PCDH7: variants seen among roughly 807,000 people sequenced by gnomAD.
The protein encoded by PCDH7 is protocadherin-7.
Under a neutral mutation model 58.9 loss-of-function variants are expected in PCDH7, and 17 were observed. That is an observed-to-expected ratio of 0.29 (90% CI 0.20 to 0.43). The LOEUF (loss-of-function observed/expected upper bound fraction) is 0.43. PCDH7 is among the 20% of genes least tolerant of loss of function. The probability of loss-of-function intolerance (pLI) is 1.00; values close to 1 mark genes in which losing one functional copy is unlikely to be tolerated. For synonymous variants in PCDH7, 664 were observed against 616.4 expected (o/e 1.08, Z -1.14); for missense variants, 1,274 against 1,441.0 (o/e 0.88, Z 1.88).
chr4:30,807,741 C>A (rs1726419518), intron 1 of PCDH7, among the ~76,000 whole-genome samples: 1 of 151,030 alleles, frequency 6.6e-6, no homozygotes, highest in African/African-American at 2.4e-5. Flanking sequence ...CTATCATAGT[C>A]AAATCTATTT....
rs1468488216 is a variant in PCDH7, at chr4:31,046,337, C to T, written c.*7+96122C>T. Among the ~76,000 whole-genome samples, 7 of 151,910 alleles carry T rather than the reference C, an allele frequency of 4.6e-5. No homozygotes were observed. The East Asian group carries it at 1.2e-3, about 25-fold the overall frequency. ...AGTCAGATTTCTTGGGCTTAAAATA[C>T]CAGCTCCATCAGTTAGACTATGTGA... On this transcript the variant is annotated intron_variant, in intron 3 of 3. Coordinates refer to the PCDH7 transcript ENST00000509759.
intron 3 of PCDH7, among the ~76,000 whole-genome samples, chr4:31,070,847 A>C (rs889110239): frequency 5.3e-5 from 8 of 152,128 alleles, no homozygotes; most frequent in African/African-American, 1.9e-4. Flanking sequence ...TTAGTATGTT[A>C]GATTCATGAA....
intron 1 of PCDH7, among the ~76,000 whole-genome samples, chr4:30,900,952 TAACTC>T (rs1740134961): frequency 6.6e-6 from 1 of 152,190 alleles, no homozygotes; most frequent in Admixed American, 6.5e-5. Flanking sequence ...AAGTGTTAGA[TAACTC>T]TATGAAGATG....
At chr4:31,060,986 T>G (rs1340824513) in intron 3 of PCDH7, among the ~76,000 whole-genome samples, 5 of 151,704 alleles carry the variant, frequency 3.3e-5, no homozygotes, top group African/African-American at 1.2e-4. Context: ...ATTTATGCCA[T>G]TTATAAGGAG....
At chr4:31,135,522 T>C (rs1363141543) in intron 3 of PCDH7, among the ~76,000 whole-genome samples, 1 of 152,116 alleles carries the variant, frequency 6.6e-6, no homozygotes, top group African/African-American at 2.4e-5. Context: ...CATAAATCCA[T>C]TAGCACTACT....
intron 2 of PCDH7, among the ~76,000 whole-genome samples, chr4:30,924,817 GA>G (rs35532582): frequency 1.6e-4 from 23 of 147,294 alleles, no homozygotes; most frequent in East Asian, 8.1e-4. Flanking sequence ...GAGTACAAAT[GA>G]AAAAAAAAAG....
intron 3 of PCDH7, among the ~76,000 whole-genome samples, chr4:31,077,190 C>T (rs61276976): frequency 0.039 from 5,899 of 152,070 alleles, 396 homozygotes; most frequent in East Asian, 0.33. Context: ...GCGAGCAGAT[C>T]ACCTGAGGTC....
At chr4:31,024,560 A>C in intron 3 of PCDH7, among the ~76,000 whole-genome samples, 1 of 152,314 alleles carries the variant, frequency 6.6e-6, no homozygotes, top group Non-Finnish European at 1.5e-5. Flanking sequence ...CTGTTTGTGT[A>C]TAATACTGAA....
intron 3 of PCDH7, among the ~76,000 whole-genome samples, chr4:31,114,771 A>C (rs568074071): frequency 6.6e-6 from 1 of 152,226 alleles, no homozygotes; most frequent in East Asian, 1.9e-4. Flanking sequence ...AGCTAATACA[A>C]CAAGCAAAAT....
intron 3 of PCDH7, among the ~76,000 whole-genome samples, chr4:31,122,156 T>G (rs1451111156): frequency 6.6e-6 from 1 of 152,154 alleles, no homozygotes; most frequent in Non-Finnish European, 1.5e-5. Context: ...CAGATACTTC[T>G]TAGATCATCT....
At chr4:31,003,832 C>G (rs577943691) in intron 3 of PCDH7, among the ~76,000 whole-genome samples, 35 of 150,656 alleles carry the variant, frequency 2.3e-4, no homozygotes, top group African/African-American at 8.5e-4. Context: ...GGCATGAACC[C>G]GAAAAAAAAA....
At chr4:30,956,282 A>G (rs2109453752) in intron 3 of PCDH7, among the ~76,000 whole-genome samples, 1 of 152,222 alleles carries the variant, frequency 6.6e-6, no homozygotes, top group South Asian at 2.1e-4. Context: ...TATAATAACT[A>G]TCAGACATAA....
At chr4:30,934,112 T>C (rs1471611301) in intron 2 of PCDH7, among the ~76,000 whole-genome samples, 9 of 152,226 alleles carry the variant, frequency 5.9e-5, no homozygotes, top group Non-Finnish European at 1.2e-4. Context: ...CTGGACAACA[T>C]TGGTCCATCT....
At chr4:30,998,541 G>A (rs1231177245) in intron 3 of PCDH7, among the ~76,000 whole-genome samples, 1 of 152,028 alleles carries the variant, frequency 6.6e-6, no homozygotes, top group Non-Finnish European at 1.5e-5. Context: ...CAGAAGAATT[G>A]ACATCACCTG....
chr4:31,060,001 T>G (rs1218480575), intron 3 of PCDH7, among the ~76,000 whole-genome samples: 4 of 151,788 alleles, frequency 2.6e-5, no homozygotes, highest in South Asian at 4.1e-4. Context: ...AGAATCATTA[T>G]GATGCCAGCT....
chr4:31,098,434 T>C (rs1046284492), intron 3 of PCDH7, among the ~76,000 whole-genome samples: 1 of 152,184 alleles, frequency 6.6e-6, no homozygotes, highest in Non-Finnish European at 1.5e-5. Flanking sequence ...CACCCTGCCA[T>C]GTAATGTTCT....
At chr4:30,862,587 C>T (rs1450577658) in intron 1 of PCDH7, among the ~76,000 whole-genome samples, 1 of 152,058 alleles carries the variant, frequency 6.6e-6, no homozygotes, top group Non-Finnish European at 1.5e-5. Context: ...GTGTTTTTAC[C>T]AAGATAATAT....
At chr4:30,949,812 A>C (rs1429877914) in intron 2 of PCDH7, among the ~76,000 whole-genome samples, 1 of 152,146 alleles carries the variant, frequency 6.6e-6, no homozygotes, top group East Asian at 1.9e-4. Flanking sequence ...GTTGTAAAAA[A>C]AAGTTATGCC....
At chr4:31,079,309 G>GATATATAT (rs149501069) in intron 3 of PCDH7, among the ~76,000 whole-genome samples, 20 of 67,460 alleles carry the variant, frequency 3.0e-4, no homozygotes, top group Non-Finnish European at 5.1e-4. Flanking sequence ...AATACTGGAA[G>GATATATAT]ATATATATAT....
Sources: gnomAD v4.1 joint callset for allele counts (sites outside exome capture counted in the v4.1 genomes callset) on GRCh38, gnomAD v4.1.1 for gene constraint, MANE v1.5 for transcripts, NCBI Gene and HGNC (gene_info 2026-07-23, HGNC 2026-07-21) for gene names.